The following VTI1A variants were observed in gnomAD, a reference collection of about 807,000 sequenced individuals.
VTI1A encodes vesicle transport through interaction with t-SNAREs 1A.
Under a neutral mutation model 34.9 loss-of-function variants are expected in VTI1A, and 22 were observed. The ratio of observed to expected loss-of-function variants is 0.63; its 90% CI spans 0.45 to 0.90. The LOEUF (loss-of-function observed/expected upper bound fraction) is 0.90, where lower values mean the gene tolerates loss of function less well. VTI1A is among the 40% of genes least tolerant of loss of function. The pLI, the probability that VTI1A is intolerant of heterozygous loss-of-function variation, is 0.00. For synonymous variants in VTI1A, 87 were observed against 97.3 expected (o/e 0.89, Z 0.62); for missense variants, 268 against 275.6 (o/e 0.97, Z 0.20).
At chr10:112,761,770 C>CTA (rs140047735) in intron 7 of VTI1A, among the ~76,000 whole-genome samples, 1 of 145,826 alleles carries the variant, frequency 6.9e-6, no homozygotes, top group Non-Finnish European at 1.5e-5. Context: ...CTTTCTTTCT[C>CTA]TGTGTGTGTG....
At chr10:112,670,393 T>C (rs1433069600) in intron 7 of VTI1A, among the ~76,000 whole-genome samples, 1 of 152,182 alleles carries the variant, frequency 6.6e-6, no homozygotes, top group Non-Finnish European at 1.5e-5. Flanking sequence ...TCAGCTGTCA[T>C]TTAATGGTAT....
At position 112,469,663 on chromosome 10, in the gene VTI1A, G is replaced by C. The variant is rs752347158; in HGVS notation, c.264+5006G>C. Among the ~76,000 whole-genome samples, 13 of 151,994 alleles carry C rather than the reference G, an allele frequency of 8.6e-5. 1 individual carries two copies. The highest frequency in any genetic ancestry group is 7.2e-4 in the Admixed American group (11 of 15,266). On this transcript the variant is annotated intron_variant, in intron 3 of 7. Coordinates refer to ENST00000393077, the MANE Select transcript of VTI1A (RefSeq NM_145206.4). ...TGTAGTGTTTAATAAGTGCTCTCTC[G>C]CCTATGTTTGTTTGGAATTCCATCT...
intron 5 of VTI1A, among the ~76,000 whole-genome samples, chr10:112,625,196 A>G (rs186296457): frequency 2.7e-3 from 411 of 152,358 alleles, no homozygotes; most frequent in African/African-American, 9.4e-3. Context: ...TTGTGTGTTT[A>G]TGTGTTTGAG....
intron 7 of VTI1A, among the ~76,000 whole-genome samples, chr10:112,803,562 G>T (rs1452785091): frequency 2.0e-5 from 3 of 152,242 alleles, no homozygotes; most frequent in African/African-American, 7.2e-5. Flanking sequence ...CTGACCCTGG[G>T]CATATCTCTT....
intron 4 of VTI1A, among the ~76,000 whole-genome samples, chr10:112,534,230 G>A (rs180992997): frequency 2.0e-3 from 305 of 152,160 alleles, no homozygotes; most frequent in Middle Eastern, 0.014. Context: ...AATATTTACT[G>A]CAATGTTTAT....
In VTI1A at chr10:112,771,402, G is replaced by T. The variant is rs909182529; in HGVS notation, c.561-43888G>T. Among the ~76,000 whole-genome samples the T allele has an allele frequency of 2.6e-5, 4 of 152,216 alleles. No individual in the cohort carries two copies. The South Asian group carries it at 8.3e-4, about 32-fold the overall frequency. On this transcript the variant is annotated intron_variant, in intron 7 of 7. Coordinates refer to ENST00000393077, the MANE Select transcript of VTI1A (RefSeq NM_145206.4). ...CACTTCTAAAGTGAGCAGCACCCCT[G>T]CCCACATGAGGCCGACCATAGGAAC...
chr10:112,448,254 C>T (rs1481993367), intron 1 of VTI1A: 2 of 151,978 alleles, frequency 1.3e-5, no homozygotes, highest in African/African-American at 4.8e-5. Context: ...GTTTCTCATC[C>T]TTCTTGGGGA....
chr10:112,480,371 C>A (rs1848421520), intron 3 of VTI1A, among the ~76,000 whole-genome samples: 1 of 152,150 alleles, frequency 6.6e-6, no homozygotes, highest in African/African-American at 2.4e-5. Flanking sequence ...AAACAACTTA[C>A]ATAGTGCAAG....
chr10:112,451,850 T>G (rs1847252274), intron 1 of VTI1A, among the ~76,000 whole-genome samples: 1 of 152,230 alleles, frequency 6.6e-6, no homozygotes. Flanking sequence ...GCTTTAGAGC[T>G]GTAATATCTA....
the VTI1A span, among the ~76,000 whole-genome samples, chr10:112,848,473 G>T: frequency 1.3e-5 from 2 of 152,200 alleles, no homozygotes; most frequent in Non-Finnish European, 2.9e-5. Context: ...TCAGACCTTG[G>T]AGAGCAGAGA....
At chr10:112,552,701 T>C (rs761460147) in intron 5 of VTI1A, among the ~76,000 whole-genome samples, 2 of 152,184 alleles carry the variant, frequency 1.3e-5, no homozygotes, top group Non-Finnish European at 2.9e-5. Context: ...GCTGTGAATT[T>C]TCTTACTACA....
intron 5 of VTI1A, among the ~76,000 whole-genome samples, chr10:112,546,544 A>G (rs1214229566): frequency 6.6e-6 from 1 of 152,198 alleles, no homozygotes; most frequent in East Asian, 1.9e-4. Flanking sequence ...CCTCAGGAAC[A>G]TGTGAGTAGG....
At chr10:112,537,481 G>A (rs928677216) in intron 4 of VTI1A, among the ~76,000 whole-genome samples, 1 of 151,468 alleles carries the variant, frequency 6.6e-6, no homozygotes, top group African/African-American at 2.4e-5. Flanking sequence ...TTTAGAAGCT[G>A]AGGATTTGAA....
intron 5 of VTI1A, among the ~76,000 whole-genome samples, chr10:112,581,563 A>G (rs1223497638): frequency 6.6e-6 from 1 of 152,228 alleles, no homozygotes; most frequent in Admixed American, 6.5e-5. Context: ...TGAAATCCTT[A>G]TACAATGCAA....
chr10:112,538,505 C>A, intron 5 of VTI1A, 175 bp downstream of exon 5: 1 of 584,598 alleles, frequency 1.7e-6, no homozygotes, highest in Non-Finnish European at 3.1e-6. Context: ...AGTTAAAAGG[C>A]ATGACATCTA....
At position 112,646,416 on chromosome 10, in the gene VTI1A, G is replaced by T. The variant is rs899694214; in HGVS notation, c.428-21802G>T. 3.9e-5 allele frequency among the ~76,000 whole-genome samples: 6 copies of T among 152,188 alleles called. No homozygotes were observed. In the East Asian group the frequency reaches 1.2e-3, roughly 29 times the overall value. ...TCCAAAGATATCCACATCATTATGG[G>T]GCAGATGAGTATGAGTGTAGGAGCA... On this transcript the variant is annotated intron_variant, in intron 5 of 7. Coordinates refer to ENST00000393077, the MANE Select transcript of VTI1A (RefSeq NM_145206.4).
intron 7 of VTI1A, among the ~76,000 whole-genome samples, chr10:112,795,718 G>C (rs993120748): frequency 6.6e-6 from 1 of 152,046 alleles, no homozygotes; most frequent in Non-Finnish European, 1.5e-5. Context: ...TTACAGGCAT[G>C]AGCCACTGCG....
intron 7 of VTI1A, among the ~76,000 whole-genome samples, chr10:112,746,009 C>G (rs1361828181): frequency 6.6e-6 from 1 of 152,184 alleles, no homozygotes; most frequent in East Asian, 1.9e-4. Context: ...CCTTCCCTAT[C>G]CCACCTTAGT....
At chr10:112,844,964 A>T in the VTI1A span, among the ~76,000 whole-genome samples, 1 of 152,254 alleles carries the variant, frequency 6.6e-6, no homozygotes, top group Non-Finnish European at 1.5e-5. Context: ...CATCTTGGGG[A>T]ATAGGAACCC....
Sources: allele counts gnomAD v4.1 joint callset (sites outside exome capture counted in the v4.1 genomes callset), GRCh38; gene constraint gnomAD v4.1.1; transcripts MANE v1.5; gene names NCBI Gene and HGNC (gene_info 2026-07-23, HGNC 2026-07-21).